PLCB1: variants seen among roughly 807,000 people sequenced by gnomAD.
PLCB1 encodes 1-phosphatidylinositol 4,5-bisphosphate phosphodiesterase beta-1.
Under a neutral mutation model 161.8 loss-of-function variants are expected in PLCB1, and 46 were observed. The observed-to-expected ratio is 0.28, with a 90% confidence interval of 0.22 to 0.36. The LOEUF (loss-of-function observed/expected upper bound fraction) is 0.36. Among genes scored for constraint, PLCB1 ranks in the 10% least tolerant of loss-of-function variants. PLCB1 has a pLI of 1.00. For synonymous variants in PLCB1, 517 were observed against 503.7 expected (o/e 1.03, Z -0.35); for missense variants, 1,016 against 1,472.5 (o/e 0.69, Z 5.07).
rs563095025 is a variant in PLCB1, at chr20:8,795,163, T to C, written c.3423+4902T>C. On this transcript the variant is annotated intron_variant, in intron 31 of 31. Transcript: ENST00000338037. Reference sequence around the variant, plus strand: ...TGGCCAGTCACACTGGAAAAGTTTATTTTAGATTGTCCCACTTTGTGACAT... The same window carrying C: ...TGGCCAGTCACACTGGAAAAGTTTACTTTAGATTGTCCCACTTTGTGACAT... Among the ~76,000 whole-genome samples, 4 of 152,322 alleles carry C rather than the reference T, an allele frequency of 2.6e-5. No individual in the cohort carries two copies. The East Asian group carries it at 5.8e-4, about 22-fold the overall frequency.
Position 8,733,411 on chromosome 20 carries a change from A to G in PLCB1, c.2043+19A>G. 1 of 1,609,516 alleles carries G rather than the reference A, an allele frequency of 6.2e-7. No homozygotes were observed. The highest frequency in any genetic ancestry group is 2.2e-5 in the East Asian group (1 of 44,834). On this transcript the variant is annotated intron_variant, in intron 19 of 31. Transcript: ENST00000338037. ...TGTTAAGGTAGGTATACCCCATCAC[A>G]AAATTGTTCCTAACAATAGTGTTGA...
chr20:8,569,035 A>G (rs992247078), intron 3 of PLCB1, among the ~76,000 whole-genome samples: 1 of 152,196 alleles, frequency 6.6e-6, no homozygotes, highest in African/African-American at 2.4e-5. Context: ...GTAGTTATCC[A>G]CCAACAGGTT....
intron 3 of PLCB1, among the ~76,000 whole-genome samples, chr20:8,573,518 T>G (rs1222508652): frequency 6.6e-6 from 1 of 152,226 alleles, no homozygotes; most frequent in Non-Finnish European, 1.5e-5. Flanking sequence ...GTGTTTAGTA[T>G]ATACACATAC....
At position 8,740,467 on chromosome 20, in the gene PLCB1, A is replaced by C; in HGVS notation, c.2413+19A>C. 1 of 1,361,884 alleles carries C rather than the reference A, an allele frequency of 7.3e-7. No homozygotes were observed. Among genetic ancestry groups the C allele is most frequent in the Non-Finnish European group, 1.0e-6 (1 of 983,498 alleles). The allele number at this position is 1,361,884 out of a possible 1,614,324, so 84.4% of individuals were successfully genotyped here. On this transcript the variant is annotated intron_variant, in intron 22 of 31. Coordinates refer to ENST00000338037, the MANE Select transcript of PLCB1 (RefSeq NM_015192.4). ...TATGCAGGTAAACAACTTAACTCAA[A>C]TACCACTTTACTCAAAGGGGTATTT...
intron 3 of PLCB1, among the ~76,000 whole-genome samples, chr20:8,593,173 C>T (rs1020631609): frequency 3.9e-5 from 6 of 152,228 alleles, no homozygotes; most frequent in South Asian, 4.1e-4. Flanking sequence ...ATATCTTACA[C>T]GCATACTTAG....
chr20:8,872,674 A>G (rs183384510), intron 31 of PLCB1, among the ~76,000 whole-genome samples: 8 of 152,274 alleles, frequency 5.3e-5, no homozygotes, highest in Non-Finnish European at 8.8e-5. Context: ...ATGAATTTGG[A>G]AACTGCACTC....
rs3761169 is a variant in PLCB1, at chr20:8,737,111, G to A, written c.2127G>A (p.Arg709=). Residue 709 remains arginine, a synonymous_variant, in exon 20 of 32, where the codon AGG becomes AGA. Transcript: ENST00000338037. ...VDMFGLPVDT[R]RKAFKTKTSQ... ...TGTTTGGTTTGCCTGTGGATACAAG[G>A]AGGAAGGCATTTAAGACCAAAACAT... 420 of 1,613,716 alleles carry A rather than the reference G, an allele frequency of 2.6e-4. 4 individuals are homozygous for A. The East Asian group carries it at 9.3e-3, about 36-fold the overall frequency.
At chr20:8,249,664 G>A (rs1432917883) in intron 2 of PLCB1, 1 of 151,944 alleles carries the variant, frequency 6.6e-6, no homozygotes, top group Non-Finnish European at 1.5e-5. Flanking sequence ...GCTTCCTGGT[G>A]ATTTTAGGTC....
chr20:8,413,003 G>T (rs148782569), intron 3 of PLCB1, among the ~76,000 whole-genome samples: 38 of 149,384 alleles, frequency 2.5e-4, no homozygotes, highest in African/African-American at 8.4e-4. Flanking sequence ...AATTTACCCA[G>T]CGAATTGGTT....
At chr20:8,204,480 C>A (rs977251834) in intron 2 of PLCB1, among the ~76,000 whole-genome samples, 1 of 152,028 alleles carries the variant, frequency 6.6e-6, no homozygotes, top group African/African-American at 2.4e-5. Context: ...GAATTGTAAT[C>A]CCCAGTGCTG....
chr20:8,136,160 C>G (rs1265095412), intron 1 of PLCB1, among the ~76,000 whole-genome samples: 2 of 152,150 alleles, frequency 1.3e-5, no homozygotes, highest in Non-Finnish European at 2.9e-5. Flanking sequence ...AAATTCAGAT[C>G]TTACTGTGGG....
chr20:8,258,141 C>T (rs1981518661), intron 2 of PLCB1, among the ~76,000 whole-genome samples: 2 of 152,004 alleles, frequency 1.3e-5, no homozygotes, highest in African/African-American at 4.8e-5. Context: ...TAAAAAGAAA[C>T]ATTATATATA....
At chr20:8,531,306 CA>C (rs1244056297) in intron 3 of PLCB1, among the ~76,000 whole-genome samples, 1 of 152,022 alleles carries the variant, frequency 6.6e-6, no homozygotes, top group African/African-American at 2.4e-5. Flanking sequence ...AGGACTTACA[CA>C]GGTCTCTAGA....
chr20:8,685,204 T>C (rs951960669), intron 10 of PLCB1, 126 bp downstream of exon 10: 6 of 884,124 alleles, frequency 6.8e-6, no homozygotes, highest in Non-Finnish European at 1.1e-5. Flanking sequence ...CTGAGAACTC[T>C]GGGGTTCCAC....
At chr20:8,787,917 C>G (rs1191837452) in intron 27 of PLCB1, among the ~76,000 whole-genome samples, 1 of 152,208 alleles carries the variant, frequency 6.6e-6, no homozygotes, top group Non-Finnish European at 1.5e-5. Context: ...AGATGGGAAA[C>G]TCATGTTATC....
At chr20:8,179,955 T>G (rs2051823431) in intron 2 of PLCB1, among the ~76,000 whole-genome samples, 2 of 141,640 alleles carry the variant, frequency 1.4e-5, no homozygotes, top group South Asian at 2.4e-4. Context: ...GCCTCCCGGG[T>G]TCGCACCATT....
At chr20:8,491,031 G>A (rs759713256) in intron 3 of PLCB1, among the ~76,000 whole-genome samples, 8 of 151,294 alleles carry the variant, frequency 5.3e-5, no homozygotes, top group East Asian at 1.9e-4. Flanking sequence ...TTATAACACC[G>A]TCTTTCAAAC....
intron 3 of PLCB1, among the ~76,000 whole-genome samples, chr20:8,405,218 C>CT (rs1333407591): frequency 6.6e-6 from 1 of 152,080 alleles, no homozygotes; most frequent in Admixed American, 6.5e-5. Context: ...CTGATTTGGG[C>CT]TGGGGTCTCT....
intron 31 of PLCB1, among the ~76,000 whole-genome samples, chr20:8,841,427 T>G (rs1342139369): frequency 6.6e-6 from 1 of 152,232 alleles, no homozygotes; most frequent in Non-Finnish European, 1.5e-5. Context: ...TTTTTCCCCT[T>G]GTGGGAATCA....
Sources: allele counts gnomAD v4.1 joint callset (sites outside exome capture counted in the v4.1 genomes callset), GRCh38; gene constraint gnomAD v4.1.1; transcripts MANE v1.5; gene names NCBI Gene and HGNC (gene_info 2026-07-23, HGNC 2026-07-21).